Variants in PPARGC1A observed in about 807,000 individuals in gnomAD.
PPARGC1A encodes the protein PPARG coactivator 1 alpha.
A neutral mutation model predicts 88.7 loss-of-function variants in PPARGC1A; 25 were observed. The observed-to-expected ratio is 0.28, with a 90% CI of 0.21 to 0.39. The LOEUF is 0.39. Among genes scored for constraint, PPARGC1A ranks in the 10% least tolerant of loss-of-function variants. PPARGC1A has a pLI of 1.00. For missense variants in PPARGC1A, 880 were observed against 968.7 expected, an observed-to-expected ratio of 0.91 and a Z score of 1.22; for synonymous variants, 363 against 355.6, an observed-to-expected ratio of 1.02 and a Z score of -0.24.
the PPARGC1A span, among the ~76,000 whole-genome samples, chr4:24,007,086 GATAT>G: frequency 6.6e-6 from 1 of 152,062 alleles, no homozygotes; most frequent in African/African-American, 2.4e-5. Flanking sequence ...CTTCCTTAGT[GATAT>G]ATAAAGTAAT....
At chr4:24,184,149 C>T in the PPARGC1A span, among the ~76,000 whole-genome samples, 1 of 152,186 alleles carries the variant, frequency 6.6e-6, no homozygotes, top group East Asian at 1.9e-4. Context: ...GATTTGAAAC[C>T]AATAACAGCA....
the PPARGC1A span, among the ~76,000 whole-genome samples, chr4:24,364,334 A>G: frequency 0.33 from 49,592 of 152,066 alleles, 8,312 homozygotes; most frequent in South Asian, 0.39. Flanking sequence ...GGTTTGTATG[A>G]CATTTCGGAT....
the PPARGC1A span, among the ~76,000 whole-genome samples, chr4:24,413,350 G>A: frequency 2.0e-5 from 3 of 151,294 alleles, no homozygotes; most frequent in African/African-American, 7.3e-5. Flanking sequence ...AGCCAAACAC[G>A]GGGAAGGCAA....
chr4:24,046,830 C>G, the PPARGC1A span, among the ~76,000 whole-genome samples: 2 of 152,196 alleles, frequency 1.3e-5, no homozygotes, highest in African/African-American at 4.8e-5. Flanking sequence ...CAAGCCGTGT[C>G]TGTCCCCATA....
intron 12 of PPARGC1A, among the ~76,000 whole-genome samples, 192 bp from the exon 13 acceptor site, chr4:23,796,117 C>T (rs1003775325): frequency 1.1e-4 from 17 of 151,998 alleles, no homozygotes; most frequent in African/African-American, 3.1e-4. Flanking sequence ...TTCAAAAACA[C>T]GCACCTGTTG....
At chr4:24,054,829 G>T in the PPARGC1A span, among the ~76,000 whole-genome samples, 1 of 152,174 alleles carries the variant, frequency 6.6e-6, no homozygotes, top group South Asian at 2.1e-4. Flanking sequence ...AATGAGTAAT[G>T]CTTTTAAGCA....
intron 2 of PPARGC1A, among the ~76,000 whole-genome samples, chr4:23,837,844 GTC>G (rs1421401046): frequency 6.6e-6 from 1 of 152,136 alleles, no homozygotes; most frequent in African/African-American, 2.4e-5. Flanking sequence ...TCAGAGGTGT[GTC>G]TCTTTCTTGA....
the PPARGC1A span, among the ~76,000 whole-genome samples, chr4:24,445,097 G>A: frequency 1.2e-4 from 19 of 152,064 alleles, no homozygotes; most frequent in Admixed American, 9.2e-4. Context: ...AGCTACTTGA[G>A]CATCCCTACA....
chr4:24,440,219 C>T, the PPARGC1A span, among the ~76,000 whole-genome samples: 3 of 152,116 alleles, frequency 2.0e-5, no homozygotes, highest in African/African-American at 4.8e-5. Context: ...CAGAGGTGGA[C>T]CAGAAATATC....
the PPARGC1A span, among the ~76,000 whole-genome samples, chr4:24,329,900 G>A: frequency 6.6e-6 from 1 of 152,100 alleles, no homozygotes; most frequent in Non-Finnish European, 1.5e-5. Context: ...CACAAACTAG[G>A]GAGTGAGTAT....
Position 23,795,322 on chromosome 4 carries a change from TATATA to T in PPARGC1A, c.*495_*499del, listed in dbSNP as rs1717367703. 1.5e-4 allele frequency: 5 copies of T among 33,358 alleles called. No homozygotes were observed. The highest frequency in any genetic ancestry group is 4.4e-4 in the Admixed American group (1 of 2,262). 2.1% of individuals were successfully genotyped at this position (33,358 alleles called of 1,614,324 possible). ...ATATATATATATATATATATATATA[TATATA>T]TATTTCCTTTTGAATAGAATACGAA... On this transcript the variant is annotated 3_prime_UTR_variant, in exon 13 of 13. Coordinates refer to ENST00000264867, the MANE Select transcript of PPARGC1A (RefSeq NM_013261.5).
chr4:24,044,384 T>G, the PPARGC1A span, among the ~76,000 whole-genome samples: 1 of 152,190 alleles, frequency 6.6e-6, no homozygotes, highest in Non-Finnish European at 1.5e-5. Context: ...ACCGTTCTGA[T>G]GCCTGCAAGC....
the PPARGC1A span, among the ~76,000 whole-genome samples, chr4:23,978,526 A>G: frequency 6.6e-6 from 1 of 152,196 alleles, no homozygotes; most frequent in East Asian, 1.9e-4. Context: ...CATCTATGGA[A>G]TGACAAAACA....
the PPARGC1A span, among the ~76,000 whole-genome samples, chr4:24,373,654 G>A: frequency 6.6e-6 from 1 of 152,076 alleles, no homozygotes; most frequent in African/African-American, 2.4e-5. Context: ...CAAGGTTGTG[G>A]GTGGGAAAAA....
the PPARGC1A span, among the ~76,000 whole-genome samples, chr4:24,092,457 C>T: frequency 2.0e-5 from 3 of 152,086 alleles, no homozygotes; most frequent in Non-Finnish European, 4.4e-5. Flanking sequence ...TTTTTTAATG[C>T]TCTCCAGATG....
the PPARGC1A span, among the ~76,000 whole-genome samples, chr4:24,048,370 G>A: frequency 2.0e-5 from 3 of 152,090 alleles, no homozygotes; most frequent in East Asian, 5.8e-4. Context: ...TCTATCCTCC[G>A]CAGCTCCACT....
At chr4:24,058,328 TTC>T in the PPARGC1A span, among the ~76,000 whole-genome samples, 38 of 152,226 alleles carry the variant, frequency 2.5e-4, no homozygotes, top group Admixed American at 5.2e-4. Context: ...TCTCTGTCAT[TTC>T]TGTCTTGGAT....
chr4:24,068,833 G>C, the PPARGC1A span, among the ~76,000 whole-genome samples: 1 of 152,266 alleles, frequency 6.6e-6, no homozygotes, highest in South Asian at 2.1e-4. Flanking sequence ...TCATGAGAGA[G>C]TTCACTCTCA....
chr4:24,230,672 C>A, the PPARGC1A span, among the ~76,000 whole-genome samples: 1 of 152,170 alleles, frequency 6.6e-6, no homozygotes, highest in African/African-American at 2.4e-5. Context: ...CATCTCTGAG[C>A]AGTGCGAAGA....
Sources: gnomAD v4.1 joint callset for allele counts (sites outside exome capture counted in the v4.1 genomes callset) on GRCh38, gnomAD v4.1.1 for gene constraint, MANE v1.5 for transcripts, NCBI Gene and HGNC (gene_info 2026-07-23, HGNC 2026-07-21) for gene names.